Variants in APPBP2 observed in about 807,000 individuals in gnomAD.
APPBP2 encodes the protein amyloid protein-binding protein 2.
A neutral mutation model predicts 76.0 loss-of-function variants in APPBP2; 15 were observed. The ratio of observed to expected loss-of-function variants is 0.20; its 90% confidence interval spans 0.13 to 0.30. The LOEUF (loss-of-function observed/expected upper bound fraction) is 0.30. APPBP2 is among the 10% of genes least tolerant of loss of function. The probability of loss-of-function intolerance (pLI) is 1.00; values close to 1 mark genes in which losing one functional copy is unlikely to be tolerated. For missense variants in APPBP2, 401 were observed against 687.2 expected, an observed-to-expected ratio of 0.58 and a Z score of 4.66; for synonymous variants, 222 against 242.2, an observed-to-expected ratio of 0.92 and a Z score of 0.77.
intron 4 of APPBP2, among the ~76,000 whole-genome samples, chr17:60,470,260 T>C (rs2090542402): frequency 6.6e-6 from 1 of 152,112 alleles, no homozygotes; most frequent in Non-Finnish European, 1.5e-5. Flanking sequence ...CTTTGTCCAT[T>C]TTTTATTTTT....
At chr17:60,514,829 G>C (rs1308993204) in intron 1 of APPBP2, among the ~76,000 whole-genome samples, 1 of 151,932 alleles carries the variant, frequency 6.6e-6, no homozygotes, top group Non-Finnish European at 1.5e-5. Context: ...TTTGAGGCAG[G>C]GTCTCACTCT....
At chr17:60,511,410 C>A (rs2090911817) in intron 1 of APPBP2, among the ~76,000 whole-genome samples, 1 of 151,900 alleles carries the variant, frequency 6.6e-6, no homozygotes, top group Non-Finnish European at 1.5e-5. Context: ...CATGGTGAAA[C>A]CCCGTCTCTA....
At chr17:60,520,533 T>C (rs146449773) in intron 1 of APPBP2, among the ~76,000 whole-genome samples, 2 of 144,608 alleles carry the variant, frequency 1.4e-5, no homozygotes, top group African/African-American at 5.1e-5. Flanking sequence ...ACATTGTGCC[T>C]ATGCACTCGA....
Position 60,447,611 on chromosome 17 carries a change from A to C in APPBP2, c.1728T>G (p.Ile576Met), listed in dbSNP as rs2090359363. The change falls in exon 13 of 13, where the codon ATT (isoleucine) becomes ATG (methionine). Residue 576 changes from isoleucine to methionine, a missense_variant. Physicochemically the swap from Ile to Met is conservative, Grantham distance 10. Transcript: ENST00000083182. ...STEEVVQSFL[I>M]SQNVEGPSC ...AGCTCGGTCCCTCGACATTCTGAGA[A>C]ATCAGGAAGGACTGCACCACTTCTT... 1 of 1,613,576 alleles carries C rather than the reference A, an allele frequency of 6.2e-7. No homozygotes were observed. Among genetic ancestry groups the C allele is most frequent in the Admixed American group, 1.7e-5 (1 of 59,936 alleles).
rs973911526 is a variant in APPBP2, at chr17:60,444,673, G to A, written c.*2908C>T. The A allele has an allele frequency of 6.6e-6, 1 of 152,226 alleles. No homozygotes were observed. Among genetic ancestry groups the A allele is most frequent in the South Asian group, 2.1e-4 (1 of 4,828 alleles). The allele number at this position is 152,226 out of a possible 1,614,324, so 9.4% of individuals were successfully genotyped here. On this transcript the variant is annotated 3_prime_UTR_variant, in exon 13 of 13. Coordinates refer to ENST00000083182, the MANE Select transcript of APPBP2 (RefSeq NM_006380.5). ...CAATCCCTTTGGCAAAGTCAGCTTT[G>A]AGGATCCATAAAGATTATGCTCTAA...
intron 3 of APPBP2, among the ~76,000 whole-genome samples, chr17:60,482,441 T>C (rs1472383166): frequency 6.6e-6 from 1 of 152,202 alleles, no homozygotes; most frequent in Non-Finnish European, 1.5e-5. Context: ...TTTTATTTTT[T>C]AGGATTAAAA....
Position 60,464,097 on chromosome 17 carries a change from C to T in APPBP2, c.686G>A (p.Cys229Tyr). Residue 229 changes from cysteine to tyrosine, a missense_variant, in exon 6 of 13, where the codon TGC becomes TAC. By Grantham distance (194) the Cys-to-Tyr change is radical (BLOSUM62 -2). Coordinates refer to ENST00000083182, the MANE Select transcript of APPBP2 (RefSeq NM_006380.5). ...KSHYDEAYKW[C>Y]IEAMKEITAG... ...TGTAATTTCTTTCATTGCCTCGATG[C>T]ACCATTTGTATGCCTAAAAAAATTA... 6.2e-7 allele frequency: 1 copy of T among 1,610,964 alleles called. No individual in the cohort carries two copies. Among genetic ancestry groups the T allele is most frequent in the Non-Finnish European group, 8.5e-7 (1 of 1,178,726 alleles).
intron 1 of APPBP2, among the ~76,000 whole-genome samples, chr17:60,521,636 C>T (rs933308049): frequency 6.6e-6 from 1 of 152,034 alleles, no homozygotes; most frequent in Non-Finnish European, 1.5e-5. Context: ...AGGCAGGTCT[C>T]GAACTCCTGA....
chr17:60,462,083 G>A (rs1170072647), intron 6 of APPBP2, 22 bp from the exon 7 acceptor site: 2 of 1,586,322 alleles, frequency 1.3e-6, no homozygotes, highest in Non-Finnish European at 8.7e-7. Context: ...GTGAAAAATG[G>A]TTAACTCTCA....
At chr17:60,502,484 G>C (rs1416117716) in intron 1 of APPBP2, among the ~76,000 whole-genome samples, 2 of 148,272 alleles carry the variant, frequency 1.3e-5, no homozygotes, top group African/African-American at 2.7e-5. Context: ...AAAACACTAA[G>C]ACAACAATCT....
intron 3 of APPBP2, among the ~76,000 whole-genome samples, chr17:60,491,527 C>G (rs2143422640): frequency 6.6e-6 from 1 of 152,204 alleles, no homozygotes; most frequent in East Asian, 1.9e-4. Context: ...TCACTGCAAC[C>G]TCTGCCTTCC....
At chr17:60,480,860 G>C (rs1199119157) in intron 3 of APPBP2, among the ~76,000 whole-genome samples, 1 of 152,178 alleles carries the variant, frequency 6.6e-6, no homozygotes, top group East Asian at 1.9e-4. Flanking sequence ...GACTGGAAGA[G>C]CAATGGACAC....
At chr17:60,500,927 T>C (rs1286162618) in intron 1 of APPBP2, among the ~76,000 whole-genome samples, 1 of 152,150 alleles carries the variant, frequency 6.6e-6, no homozygotes, top group Non-Finnish European at 1.5e-5. Flanking sequence ...AACACACCAA[T>C]AGTAGAGCAT....
At chr17:60,518,979 G>A (rs944166706) in intron 1 of APPBP2, among the ~76,000 whole-genome samples, 1 of 152,074 alleles carries the variant, frequency 6.6e-6, no homozygotes, top group East Asian at 1.9e-4. Flanking sequence ...CCCCCTTTGA[G>A]ACAAGTTCTC....
intron 2 of APPBP2, among the ~76,000 whole-genome samples, chr17:60,500,157 C>T (rs111557760): frequency 0.082 from 12,466 of 151,924 alleles, 1,698 homozygotes; most frequent in African/African-American, 0.28. Context: ...GACTAAGGCG[C>T]CTACCACCAC....
intron 3 of APPBP2, among the ~76,000 whole-genome samples, chr17:60,484,113 C>A (rs555603090): frequency 2.7e-4 from 41 of 152,310 alleles, no homozygotes; most frequent in African/African-American, 9.9e-4. Context: ...CAGTACCACG[C>A]TGTTTTGGTT....
At chr17:60,470,170 A>G (rs2090541775) in intron 4 of APPBP2, among the ~76,000 whole-genome samples, 1 of 152,092 alleles carries the variant, frequency 6.6e-6, no homozygotes. Flanking sequence ...GCTGAATGAC[A>G]CTATCTTTTC....
chr17:60,453,253 G>A (rs551289396), intron 11 of APPBP2, among the ~76,000 whole-genome samples: 1 of 151,272 alleles, frequency 6.6e-6, no homozygotes, highest in Admixed American at 6.6e-5. Context: ...TGCAGATCTC[G>A]GCTCACTACA....
intron 1 of APPBP2, among the ~76,000 whole-genome samples, chr17:60,519,120 C>A (rs1483353848): frequency 2.0e-5 from 3 of 148,876 alleles, no homozygotes; most frequent in African/African-American, 7.8e-5. Context: ...CACCACCACA[C>A]CTGAATAAAT....
Sources: allele counts gnomAD v4.1 joint callset (sites outside exome capture counted in the v4.1 genomes callset), GRCh38; gene constraint gnomAD v4.1.1; transcripts MANE v1.5; gene names NCBI Gene and HGNC (gene_info 2026-07-23, HGNC 2026-07-21).